Variants in MSI2 observed in about 807,000 individuals in gnomAD.
MSI2 encodes the protein RNA-binding protein Musashi homolog 2.
MSI2 carries 17 observed loss-of-function variants against 45.6 expected under a neutral mutation model. The ratio of observed to expected loss-of-function variants is 0.37; its 90% CI spans 0.26 to 0.56. The LOEUF is 0.56. Among genes scored for constraint, MSI2 ranks in the 20% least tolerant of loss-of-function variants. MSI2 has a pLI of 0.77. For missense variants in MSI2, 293 were observed against 444.2 expected, an observed-to-expected ratio of 0.66 and a Z score of 3.06; for synonymous variants, 156 against 158.2, an observed-to-expected ratio of 0.99 and a Z score of 0.11.
intron 6 of MSI2, among the ~76,000 whole-genome samples, chr17:57,463,084 A>C (rs530475273): frequency 6.6e-6 from 1 of 152,232 alleles, no homozygotes; most frequent in South Asian, 2.1e-4. Flanking sequence ...AGCTTGGAGG[A>C]CGCTAGTCCT....
chr17:57,658,780 C>T (rs557007058), intron 11 of MSI2, among the ~76,000 whole-genome samples: 108 of 152,272 alleles, frequency 7.1e-4, no homozygotes, highest in African/African-American at 2.4e-3. Context: ...GCTGGTTGGT[C>T]GTTGCTCTTG....
At chr17:57,301,779 G>GTT (rs34281730) in intron 5 of MSI2, among the ~76,000 whole-genome samples, 5 of 148,146 alleles carry the variant, frequency 3.4e-5, no homozygotes, top group Middle Eastern at 3.5e-3. Flanking sequence ...AATATTCTTG[G>GTT]TTTTTTTTTT....
chr17:57,659,550 C>T (rs144372447), intron 11 of MSI2, among the ~76,000 whole-genome samples: 19 of 152,240 alleles, frequency 1.2e-4, no homozygotes, highest in African/African-American at 4.6e-4. Flanking sequence ...GGCCATGTGA[C>T]TTATTTAAAA....
intron 5 of MSI2, among the ~76,000 whole-genome samples, chr17:57,309,875 A>G (rs1912231893): frequency 6.6e-6 from 1 of 152,186 alleles, no homozygotes; most frequent in African/African-American, 2.4e-5. Context: ...AGTAATCAAT[A>G]GATTCAGAAG....
intron 5 of MSI2, among the ~76,000 whole-genome samples, chr17:57,376,964 A>G (rs1436429494): frequency 8.7e-5 from 12 of 138,236 alleles, no homozygotes; most frequent in Admixed American, 2.4e-4. Flanking sequence ...TCTGTCCCCC[A>G]GGCTGGAGGG....
the MSI2 span, among the ~76,000 whole-genome samples, chr17:57,696,208 T>C: frequency 3.3e-5 from 5 of 152,180 alleles, no homozygotes; most frequent in Non-Finnish European, 7.3e-5. Flanking sequence ...GGAAGAAGGA[T>C]GTCCTTCCTC....
intron 7 of MSI2, among the ~76,000 whole-genome samples, chr17:57,586,248 G>A (rs762956401): frequency 3.9e-5 from 6 of 152,188 alleles, no homozygotes; most frequent in Non-Finnish European, 8.8e-5. Flanking sequence ...AGTCTGGGAT[G>A]AGACACCCTT....
chr17:57,654,729 T>C (rs1911457923), intron 11 of MSI2, among the ~76,000 whole-genome samples: 1 of 152,084 alleles, frequency 6.6e-6, no homozygotes, highest in Non-Finnish European at 1.5e-5. Flanking sequence ...CAGGGAGACA[T>C]TCAGGGAGAG....
At chr17:57,376,155 A>G (rs1282074251) in intron 5 of MSI2, among the ~76,000 whole-genome samples, 1 of 152,160 alleles carries the variant, frequency 6.6e-6, no homozygotes, top group East Asian at 1.9e-4. Context: ...GTGGTGGGTG[A>G]GTTGCTTGGC....
chr17:57,605,665 C>T (rs933289496), intron 8 of MSI2, among the ~76,000 whole-genome samples: 1 of 152,226 alleles, frequency 6.6e-6, no homozygotes, highest in Non-Finnish European at 1.5e-5. Context: ...CCCAGAGTAG[C>T]GTGGCTCTTG....
intron 7 of MSI2, among the ~76,000 whole-genome samples, chr17:57,579,152 A>G (rs558791370): frequency 6.6e-6 from 1 of 152,330 alleles, no homozygotes; most frequent in African/African-American, 2.4e-5. Context: ...GATATAATAA[A>G]GGATGTAATA....
intron 7 of MSI2, among the ~76,000 whole-genome samples, chr17:57,562,547 C>T (rs2087604468): frequency 6.6e-6 from 1 of 152,206 alleles, no homozygotes; most frequent in South Asian, 2.1e-4. Flanking sequence ...GGTCCCAGCT[C>T]TCCAGCAGAA....
At chr17:57,324,974 T>A (rs1441890492) in intron 5 of MSI2, among the ~76,000 whole-genome samples, 2 of 152,190 alleles carry the variant, frequency 1.3e-5, no homozygotes, top group African/African-American at 4.8e-5. Context: ...AGCCCAGTGC[T>A]GCCAAAATCA....
intron 5 of MSI2, among the ~76,000 whole-genome samples, chr17:57,287,068 G>T (rs990736198): frequency 4.0e-5 from 6 of 150,982 alleles, no homozygotes; most frequent in African/African-American, 1.5e-4. Flanking sequence ...AAAAAAAGCA[G>T]CCCCTTTTGC....
the MSI2 span, among the ~76,000 whole-genome samples, chr17:57,691,763 A>G: frequency 6.6e-6 from 1 of 152,158 alleles, no homozygotes; most frequent in Non-Finnish European, 1.5e-5. Context: ...TTCTATGTAG[A>G]TAATCATACT....
chr17:57,569,486 C>T (rs1012429145), intron 7 of MSI2, among the ~76,000 whole-genome samples: 2 of 152,154 alleles, frequency 1.3e-5, no homozygotes, highest in South Asian at 2.1e-4. Context: ...TGCAGGAGTT[C>T]ACCTCAGAGT....
chr17:57,563,214 A>G (rs2087631488), intron 7 of MSI2, among the ~76,000 whole-genome samples: 2 of 151,834 alleles, frequency 1.3e-5, no homozygotes, highest in African/African-American at 4.8e-5. Flanking sequence ...CCGTCACCCG[A>G]ACAACATACA....
Position 57,611,609 on chromosome 17 carries a change from C to G in MSI2, c.538-4361C>G, listed in dbSNP as rs1236307412. Among the ~76,000 whole-genome samples the G allele has an allele frequency of 6.2e-5, 6 of 96,924 alleles. 2 individuals carry two copies. Among genetic ancestry groups the G allele is most frequent in the Non-Finnish European group, 1.2e-4 (5 of 40,122 alleles). The allele number at this position is 96,924 out of a possible 152,430, so 63.6% of individuals were successfully genotyped here. On this transcript the variant is annotated intron_variant, in intron 8 of 13. Coordinates refer to ENST00000284073, the MANE Select transcript of MSI2 (RefSeq NM_138962.4). ...AGTCCCAAGGCTAGGTTAGAAGAAG[C>G]CTTGCAGCTTCTGCCTGAGTCTGTT...
Position 57,597,466 on chromosome 17 carries a change from TAAA to T in MSI2, c.537+538_537+540del, listed in dbSNP as rs35606406. ...GGAAACATAGCCAGACCTCATCTCT[TAAA>T]AAAAAAAAAAAAAAAAAAAAATTAG... On this transcript the variant is annotated intron_variant, in intron 8 of 13. Transcript: ENST00000284073. 4.6e-4 allele frequency among the ~76,000 whole-genome samples: 40 copies of T among 87,102 alleles called. 1 individual carries two copies. The highest frequency in any genetic ancestry group is 1.7e-3 in the African/African-American group (33 of 19,740). The allele number at this position is 87,102 out of a possible 152,430, so 57.1% of individuals were successfully genotyped here.
Sources: gnomAD v4.1 joint callset for allele counts (sites outside exome capture counted in the v4.1 genomes callset) on GRCh38, gnomAD v4.1.1 for gene constraint, MANE v1.5 for transcripts, NCBI Gene and HGNC (gene_info 2026-07-23, HGNC 2026-07-21) for gene names.